FIRRM: variants seen among roughly 807,000 people sequenced by gnomAD.
The protein encoded by FIRRM is FIGNL1-interacting regulator of recombination and mitosis.
At chr1:169,852,707 C>G in the FIRRM span, 7 of 1,391,010 alleles carry the variant, frequency 5.0e-6, no homozygotes, top group Non-Finnish European at 6.0e-6. Flanking sequence ...ATAAAATTTG[C>G]ATGTAAGCTT....
the FIRRM span, among the ~76,000 whole-genome samples, chr1:169,787,554 A>G: frequency 4.6e-5 from 7 of 152,290 alleles, no homozygotes; most frequent in South Asian, 1.2e-3. Flanking sequence ...CTCCTCGGCT[A>G]TAAATTCCCA....
the FIRRM span, among the ~76,000 whole-genome samples, chr1:169,815,371 C>T: frequency 1.3e-5 from 2 of 151,654 alleles, no homozygotes; most frequent in African/African-American, 4.8e-5. Context: ...TGGTTGGCCA[C>T]TTTTATGGCC....
the FIRRM span, among the ~76,000 whole-genome samples, chr1:169,786,143 CTTT>C: frequency 6.6e-6 from 1 of 152,060 alleles, no homozygotes; most frequent in South Asian, 2.1e-4. Context: ...TTTTTTCCTA[CTTT>C]GGGAAAATGA....
the FIRRM span, chr1:169,851,035 G>T: frequency 3.3e-5 from 1 of 30,568 alleles, no homozygotes; most frequent in African/African-American, 1.1e-4. Flanking sequence ...GCCAGGGTAA[G>T]CTCAGGGCCC....
the FIRRM span, chr1:169,795,084 T>G: frequency 6.5e-7 from 1 of 1,527,838 alleles, no homozygotes; most frequent in African/African-American, 1.4e-5. Flanking sequence ...GGTTTGAAGC[T>G]CTCCTGTTTG....
At chr1:169,800,991 A>G in the FIRRM span, 2 of 1,271,696 alleles carry the variant, frequency 1.6e-6, no homozygotes, top group Non-Finnish European at 2.3e-6. Flanking sequence ...TATTACCTGA[A>G]AATACATGTT....
chr1:169,827,689 ATG>A, the FIRRM span: 1 of 1,613,200 alleles, frequency 6.2e-7, no homozygotes, highest in Non-Finnish European at 8.5e-7. Context: ...TGCTGAATTA[ATG>A]TGTTTTTATT....
At chr1:169,810,703 C>G in the FIRRM span, among the ~76,000 whole-genome samples, 1 of 152,044 alleles carries the variant, frequency 6.6e-6, no homozygotes, top group African/African-American at 2.4e-5. Context: ...TTGGGAGGGA[C>G]ACAGTTCAAC....
chr1:169,848,940 C>A, the FIRRM span, among the ~76,000 whole-genome samples: 1 of 152,184 alleles, frequency 6.6e-6, no homozygotes, highest in Non-Finnish European at 1.5e-5. Context: ...GGAAAGATTA[C>A]GTTTTTGCTG....
chr1:169,802,633 T>G, the FIRRM span: 8 of 1,607,532 alleles, frequency 5.0e-6, no homozygotes, highest in Non-Finnish European at 6.8e-6. Context: ...TGTGAAATTA[T>G]TCGATGACAT....
At chr1:169,785,323 T>C in the FIRRM span, among the ~76,000 whole-genome samples, 1 of 152,242 alleles carries the variant, frequency 6.6e-6, no homozygotes, top group Non-Finnish European at 1.5e-5. Flanking sequence ...TGTGTTACAG[T>C]GCACTCTTTC....
the FIRRM span, among the ~76,000 whole-genome samples, chr1:169,810,945 C>T: frequency 6.7e-6 from 1 of 148,372 alleles, no homozygotes; most frequent in African/African-American, 2.5e-5. Context: ...CTGCAAGCTC[C>T]GCTTCCCGGG....
chr1:169,791,590 G>A, the FIRRM span, among the ~76,000 whole-genome samples: 3 of 152,166 alleles, frequency 2.0e-5, no homozygotes, highest in Admixed American at 1.3e-4. Context: ...AATACTTAAT[G>A]TTAACATATG....
the FIRRM span, chr1:169,827,111 A>G: frequency 6.2e-7 from 1 of 1,613,752 alleles, no homozygotes; most frequent in Non-Finnish European, 8.5e-7. Context: ...AGGAAATAGC[A>G]GGTGCTTTCC....
the FIRRM span, chr1:169,800,949 T>A: frequency 6.3e-7 from 1 of 1,590,418 alleles, no homozygotes; most frequent in South Asian, 1.1e-5. Flanking sequence ...GAACAGACTT[T>A]CTTTTCACAA....
chr1:169,839,997 C>G, the FIRRM span, among the ~76,000 whole-genome samples: 2 of 152,120 alleles, frequency 1.3e-5, no homozygotes, highest in African/African-American at 4.8e-5. Flanking sequence ...TTCTCTGTTG[C>G]TTGTTTTTGT....
the FIRRM span, among the ~76,000 whole-genome samples, chr1:169,805,522 C>T: frequency 3.2e-3 from 480 of 152,246 alleles, 5 homozygotes; most frequent in African/African-American, 0.011. Context: ...GCGTTTAGCC[C>T]AGAGTCATTG....
the FIRRM span, among the ~76,000 whole-genome samples, chr1:169,828,119 A>G: frequency 6.6e-6 from 1 of 152,218 alleles, no homozygotes; most frequent in African/African-American, 2.4e-5. Context: ...GAGTAGCTAT[A>G]AGTAGAAACA....
the FIRRM span, chr1:169,826,047 T>G: frequency 1.0e-5 from 3 of 293,908 alleles, no homozygotes; most frequent in Admixed American, 9.5e-5. Flanking sequence ...CATAGTAAAT[T>G]CAGCATTCTG....
Sources: allele counts gnomAD v4.1 joint callset (sites outside exome capture counted in the v4.1 genomes callset), GRCh38; gene constraint gnomAD v4.1.1; transcripts MANE v1.5; gene names NCBI Gene and HGNC (gene_info 2026-07-23, HGNC 2026-07-21).